FAM120A: variants seen among roughly 807,000 people sequenced by gnomAD.
The protein encoded by FAM120A is constitutive coactivator of PPAR-gamma-like protein 1.
A neutral mutation model predicts 109.7 loss-of-function variants in FAM120A; 15 were observed. That is an observed-to-expected ratio of 0.14 (90% CI 0.09 to 0.21). The LOEUF (loss-of-function observed/expected upper bound fraction) is 0.21, where lower values mean the gene tolerates loss of function less well. Among genes scored for constraint, FAM120A ranks in the 10% least tolerant of loss-of-function variants. The pLI is 1.00. For synonymous variants in FAM120A, 493 were observed against 572.8 expected, an observed-to-expected ratio of 0.86 and a Z score of 1.99; for missense variants, 899 against 1,439.3, an observed-to-expected ratio of 0.62 and a Z score of 6.07.
rs751266670 is a variant in FAM120A at position 93,529,576 on chromosome 9, C to T, written c.1730C>T (p.Thr577Met). Residue 577 changes from threonine to methionine, a missense_variant, in exon 9 of 18, where the codon ACG becomes ATG. Physicochemically the swap from Thr to Met is moderately conservative, Grantham distance 81. Transcript: ENST00000277165. ...TACCCCTACATCTTCCATGTCCTGA[C>T]GAAGGTATTATCAAAGGGGCCCTGG... ...LMYPYIFHVL[T>M]KGEIKIAVSI... 29 of 1,614,016 alleles carry T rather than the reference C, an allele frequency of 1.8e-5. No individual in the cohort carries two copies. The highest frequency in any genetic ancestry group is 3.3e-5 in the South Asian group (3 of 91,082).
chr9:93,531,879 G>T (rs143802009), intron 9 of FAM120A, among the ~76,000 whole-genome samples: 15 of 152,306 alleles, frequency 9.8e-5, no homozygotes, highest in African/African-American at 3.4e-4. Context: ...TTGTTTCAAA[G>T]ACTTTGGAAC....
At chr9:93,519,344 C>A (rs966578882) in intron 7 of FAM120A, among the ~76,000 whole-genome samples, 5 of 152,050 alleles carry the variant, frequency 3.3e-5, no homozygotes, top group Admixed American at 3.3e-4. Context: ...CAGGTTCAAG[C>A]GATTCTCCTG....
At chr9:93,501,728 A>G (rs1349027178) in intron 5 of FAM120A, among the ~76,000 whole-genome samples, 1 of 152,220 alleles carries the variant, frequency 6.6e-6, no homozygotes, top group East Asian at 1.9e-4. Flanking sequence ...GGCAGGAGAC[A>G]AGCCTGGAGA....
chr9:93,560,137 T>A (rs1437524458), intron 15 of FAM120A, among the ~76,000 whole-genome samples: 1 of 151,904 alleles, frequency 6.6e-6, no homozygotes, highest in African/African-American at 2.4e-5. Flanking sequence ...CTACAAAAAA[T>A]TTTAAAAATT....
chr9:93,545,414 G>A (rs1339686626), intron 11 of FAM120A, among the ~76,000 whole-genome samples: 3 of 152,204 alleles, frequency 2.0e-5, no homozygotes, highest in African/African-American at 4.8e-5. Context: ...TGCTGCATTC[G>A]TAGCTTCTGG....
intron 1 of FAM120A, chr9:93,453,164 C>A: frequency 1.0e-6 from 1 of 1,000,436 alleles, no homozygotes; most frequent in African/African-American, 1.7e-5. Flanking sequence ...AATCAGGGGG[C>A]GAACTACGCG....
intron 5 of FAM120A, among the ~76,000 whole-genome samples, chr9:93,505,097 G>A (rs867598975): frequency 2.9e-4 from 33 of 114,466 alleles, no homozygotes; most frequent in Admixed American, 2.3e-3. Context: ...GTCTCGCTCT[G>A]TCACCCAGGC....
chr9:93,563,751 AC>A (rs1356487538), intron 17 of FAM120A, among the ~76,000 whole-genome samples: 1 of 152,188 alleles, frequency 6.6e-6, no homozygotes, highest in Non-Finnish European at 1.5e-5. Flanking sequence ...TATTTCACAA[AC>A]ACGTGGCAAT....
intron 12 of FAM120A, among the ~76,000 whole-genome samples, chr9:93,555,400 G>T (rs889264069): frequency 1.3e-5 from 2 of 152,210 alleles, no homozygotes; most frequent in East Asian, 1.9e-4. Context: ...GCAGATGATT[G>T]TAAGTTTATT....
chr9:93,471,996 A>G (rs918729563), intron 2 of FAM120A, among the ~76,000 whole-genome samples: 1 of 152,168 alleles, frequency 6.6e-6, no homozygotes, highest in African/African-American at 2.4e-5. Flanking sequence ...TAATTCCCCC[A>G]CGCCTGTAAT....
At chr9:93,511,545 A>T (rs1860322688) in intron 5 of FAM120A, among the ~76,000 whole-genome samples, 1 of 152,230 alleles carries the variant, frequency 6.6e-6, no homozygotes, top group African/African-American at 2.4e-5. Context: ...CTGGATCTGT[A>T]GTGTAACGGG....
chr9:93,479,757 C>T (rs1461528202), intron 3 of FAM120A, among the ~76,000 whole-genome samples: 1 of 152,196 alleles, frequency 6.6e-6, no homozygotes, highest in East Asian at 1.9e-4. Flanking sequence ...AAACATGTGT[C>T]TTTACCAATT....
chr9:93,506,558 C>A (rs931123616), intron 5 of FAM120A, among the ~76,000 whole-genome samples: 3 of 150,936 alleles, frequency 2.0e-5, no homozygotes. Context: ...TCCTGATCCA[C>A]TGAGCCAGCT....
At chr9:93,554,546 G>A (rs748071125) in intron 12 of FAM120A, among the ~76,000 whole-genome samples, 4 of 152,234 alleles carry the variant, frequency 2.6e-5, no homozygotes, top group Non-Finnish European at 4.4e-5. Context: ...GGTGGCGCAC[G>A]TCTGTAATCC....
chr9:93,484,866 C>T (rs892987425), intron 3 of FAM120A, among the ~76,000 whole-genome samples: 36 of 152,200 alleles, frequency 2.4e-4, no homozygotes, highest in Non-Finnish European at 2.9e-5. Flanking sequence ...TGAGCCACTG[C>T]GCCCGGCCTG....
intron 1 of FAM120A, among the ~76,000 whole-genome samples, chr9:93,456,932 G>A (rs1857572187): frequency 6.6e-6 from 1 of 152,136 alleles, no homozygotes; most frequent in Non-Finnish European, 1.5e-5. Flanking sequence ...AGATTTTTAA[G>A]GTTCAAAACT....
chr9:93,504,502 T>G (rs1384198898), intron 5 of FAM120A, among the ~76,000 whole-genome samples: 1 of 152,208 alleles, frequency 6.6e-6, no homozygotes, highest in African/African-American at 2.4e-5. Flanking sequence ...CTATATAATT[T>G]TATCGTGTCT....
In FAM120A at chr9:93,562,188, G is replaced by T; in HGVS notation, c.2949-20G>T. The T allele has an allele frequency of 1.3e-6, 2 of 1,581,914 alleles. No homozygotes were observed. ...GTAACAGATTTAAGTGTTTACTGTT[G>T]TCCTTTTTCATTCATTTAGGCGTCC... On this transcript the variant is annotated intron_variant, in intron 16 of 17. Coordinates refer to ENST00000277165, the MANE Select transcript of FAM120A (RefSeq NM_014612.5).
At chr9:93,562,378 G>A in intron 17 of FAM120A, 74 bp downstream of exon 17, 1 of 1,118,734 alleles carries the variant, frequency 8.9e-7, no homozygotes, top group Non-Finnish European at 1.4e-6. Context: ...TGCACTTCTA[G>A]TACCTGCGCT....
Sources: allele counts gnomAD v4.1 joint callset (sites outside exome capture counted in the v4.1 genomes callset), GRCh38; gene constraint gnomAD v4.1.1; transcripts MANE v1.5; gene names NCBI Gene and HGNC (gene_info 2026-07-23, HGNC 2026-07-21).